The following CSMD1 variants were observed in gnomAD, a reference collection of about 807,000 sequenced individuals.
CSMD1 encodes the protein CUB and Sushi multiple domains 1, also known as CUB and sushi domain-containing protein 1.
A neutral mutation model predicts 417.5 loss-of-function variants in CSMD1; 213 were observed. The ratio of observed to expected loss-of-function variants is 0.51; its 90% CI spans 0.46 to 0.57. The LOEUF (loss-of-function observed/expected upper bound fraction) is 0.57, where lower values mean the gene tolerates loss of function less well. Among genes scored for constraint, CSMD1 ranks in the 20% least tolerant of loss-of-function variants. The probability of loss-of-function intolerance (pLI) is 0.00; values close to 1 mark genes in which losing one functional copy is unlikely to be tolerated. For synonymous variants in CSMD1, 2,862 were observed against 1,736.8 expected (o/e 1.65, Z -16.11); for missense variants, 6,923 against 4,529.7 (o/e 1.53, Z -15.17).
intron 67 of CSMD1, 67 bp downstream of exon 67, chr8:2,950,164 C>T (rs984995698): frequency 1.9e-6 from 2 of 1,050,744 alleles, no homozygotes; most frequent in East Asian, 2.4e-5. Context: ...ATCCGTAGCC[C>T]TTGCATCTGC....
intron 25 of CSMD1, among the ~76,000 whole-genome samples, chr8:3,302,420 G>T (rs1804489184): frequency 6.6e-6 from 1 of 152,176 alleles, no homozygotes; most frequent in South Asian, 2.1e-4. Context: ...CCGCACAGCA[G>T]TGGCAATGTT....
chr8:3,293,471 C>T (rs147231444), intron 25 of CSMD1, among the ~76,000 whole-genome samples: 4,210 of 152,262 alleles, frequency 0.028, 194 homozygotes, highest in African/African-American at 0.092. Flanking sequence ...ACCAATCAGA[C>T]GTAGATTCGG....
At chr8:3,284,377 C>A (rs1480228816) in intron 25 of CSMD1, 31 bp from the exon 26 acceptor site, 1 of 1,548,936 alleles carries the variant, frequency 6.5e-7, no homozygotes, top group Non-Finnish European at 8.9e-7. Context: ...GCGCTACTTG[C>A]CGTGCATCGA....
chr8:3,072,161 C>T lies in CSMD1; in HGVS notation c.7474+14936G>A, dbSNP rs1373959672. ...AGTCTCAGGGCATCTGAGATCAATT[C>T]TTCCGGAGTCTATGTCTGCACAGAT... On this transcript the variant is annotated intron_variant, in intron 49 of 69. Transcript: ENST00000635120. 2.6e-5 allele frequency among the ~76,000 whole-genome samples: 4 copies of T among 152,188 alleles called. No individual in the cohort carries two copies. The East Asian group carries it at 7.7e-4, about 29-fold the overall frequency.
intron 3 of CSMD1, among the ~76,000 whole-genome samples, chr8:4,090,194 A>C (rs1800642553): frequency 1.3e-5 from 2 of 152,198 alleles, no homozygotes; most frequent in Non-Finnish European, 2.9e-5. Flanking sequence ...TTTTGACTAC[A>C]GTACATGATT....
intron 6 of CSMD1, among the ~76,000 whole-genome samples, chr8:3,724,686 T>A (rs1473703261): frequency 1.3e-5 from 2 of 152,140 alleles, no homozygotes. Context: ...GTCCATGAAA[T>A]TAAATAGGAA....
rs146848245 is a variant in CSMD1, at chr8:3,191,996, G to A, written c.5195-1881C>T. Among the ~76,000 whole-genome samples the A allele has an allele frequency of 3.8e-3, 582 of 152,156 alleles. 4 individuals are homozygous for A. Among genetic ancestry groups the A allele is most frequent in the African/African-American group, 0.014 (561 of 41,504 alleles). On this transcript the variant is annotated intron_variant, in intron 33 of 69. Coordinates refer to ENST00000635120, the MANE Select transcript of CSMD1 (RefSeq NM_033225.6). ...GGCTTTTTCTGACACACTGGAATCT[G>A]TTTTATTTATTTATTTTCTGTTGAA...
chr8:3,656,299 T>C (rs2080803921), intron 7 of CSMD1, among the ~76,000 whole-genome samples: 1 of 152,192 alleles, frequency 6.6e-6, no homozygotes, highest in Non-Finnish European at 1.5e-5. Flanking sequence ...AAATACTCTC[T>C]CAGAAGCTTA....
At chr8:3,669,498 T>C (rs1001639221) in intron 7 of CSMD1, among the ~76,000 whole-genome samples, 8 of 152,152 alleles carry the variant, frequency 5.3e-5, no homozygotes, top group South Asian at 2.1e-4. Context: ...CTACTAAATA[T>C]TGAGAATACA....
At position 2,936,081 on chromosome 8, in the gene CSMD1, A is replaced by T. The variant is rs1299270401; in HGVS notation, c.*2504T>A. 1.3e-5 allele frequency: 2 copies of T among 152,186 alleles called. No individual in the cohort carries two copies. The highest frequency in any genetic ancestry group is 6.5e-5 in the Admixed American group (1 of 15,284). The allele number at this position is 152,186 out of a possible 1,614,324, so 9.4% of individuals were successfully genotyped here. On this transcript the variant is annotated 3_prime_UTR_variant, in exon 70 of 70. Transcript: ENST00000635120. ...GCCGTTCAACACTGCACACAACCTT[A>T]GGAAGAAACTAGGCAGAATTCTCAC... is the stretch of plus-strand genomic sequence containing the variant.
At chr8:3,639,639 T>C (rs1227462615) in intron 7 of CSMD1, among the ~76,000 whole-genome samples, 1 of 152,242 alleles carries the variant, frequency 6.6e-6, no homozygotes, top group Non-Finnish European at 1.5e-5. Flanking sequence ...AATTCCCTCA[T>C]TTGAACACTG....
chr8:4,049,905 T>C (rs1798335233), intron 3 of CSMD1, among the ~76,000 whole-genome samples: 2 of 41,480 alleles, frequency 4.8e-5, no homozygotes, highest in African/African-American at 2.8e-4. Flanking sequence ...TCGCTTTCTG[T>C]TTCAGGAATC....
chr8:4,083,466 C>G (rs1467534573), intron 3 of CSMD1, among the ~76,000 whole-genome samples: 2 of 152,146 alleles, frequency 1.3e-5, no homozygotes, highest in Non-Finnish European at 2.9e-5. Context: ...GTAACCAAAA[C>G]AGCATGGTAC....
chr8:3,558,182 C>T (rs1413926499), intron 10 of CSMD1, among the ~76,000 whole-genome samples: 2 of 150,780 alleles, frequency 1.3e-5, no homozygotes, highest in Admixed American at 1.3e-4. Context: ...GTGTCCACTC[C>T]TCCAATGATG....
chr8:4,042,373 G>A (rs1797935080), intron 3 of CSMD1, among the ~76,000 whole-genome samples: 1 of 152,062 alleles, frequency 6.6e-6, no homozygotes, highest in Non-Finnish European at 1.5e-5. Context: ...AAACCAAGGA[G>A]AGATTCAGCA....
chr8:4,991,776 G>T (rs1235639967), intron 1 of CSMD1, among the ~76,000 whole-genome samples: 2 of 152,194 alleles, frequency 1.3e-5, no homozygotes, highest in African/African-American at 2.4e-5. Flanking sequence ...GCGCACAAAC[G>T]GCGACTCCGG....
At chr8:4,696,675 C>T (rs1807153362) in intron 1 of CSMD1, among the ~76,000 whole-genome samples, 1 of 152,130 alleles carries the variant, frequency 6.6e-6, no homozygotes, top group Non-Finnish European at 1.5e-5. Flanking sequence ...TTGTCTTTAT[C>T]CACAGAGAAG....
intron 2 of CSMD1, among the ~76,000 whole-genome samples, chr8:4,590,515 C>T (rs1442340834): frequency 3.3e-5 from 5 of 152,078 alleles, no homozygotes; most frequent in Middle Eastern, 3.4e-3. Flanking sequence ...ATATTTGAAG[C>T]GCTAGCATAA....
intron 2 of CSMD1, among the ~76,000 whole-genome samples, chr8:4,580,243 A>ACGCC (rs1799348355): frequency 6.6e-6 from 1 of 151,940 alleles, no homozygotes; most frequent in Non-Finnish European, 1.5e-5. Context: ...CTGCCTTAAC[A>ACGCC]CGCCCTCTGC....
Sources: gnomAD v4.1 joint callset for allele counts (sites outside exome capture counted in the v4.1 genomes callset) on GRCh38, gnomAD v4.1.1 for gene constraint, MANE v1.5 for transcripts, NCBI Gene and HGNC (gene_info 2026-07-23, HGNC 2026-07-21) for gene names.